RALYL: variants seen among roughly 807,000 people sequenced by gnomAD.
RALYL encodes the protein RALY RNA binding protein like.
A neutral mutation model predicts 35.1 loss-of-function variants in RALYL; 29 were observed. The observed-to-expected ratio is 0.83, with a 90% confidence interval of 0.61 to 1.13. The LOEUF (loss-of-function observed/expected upper bound fraction) is 1.13, where lower values mean the gene tolerates loss of function less well. Among genes scored for constraint, RALYL ranks in the 50% most tolerant of loss-of-function variants. The pLI is 0.00. For missense variants in RALYL, 359 were observed against 360.4 expected (o/e 1.00, Z 0.03); for synonymous variants, 120 against 127.6 (o/e 0.94, Z 0.40).
chr8:84,295,707 C>A (rs1015746160), intron 1 of RALYL, among the ~76,000 whole-genome samples: 1 of 152,074 alleles, frequency 6.6e-6, no homozygotes, highest in Non-Finnish European at 1.5e-5. Context: ...ATAACACTGT[C>A]CTGTATTGAA....
At chr8:84,893,020 A>G (rs912604368) in intron 8 of RALYL, among the ~76,000 whole-genome samples, 2 of 152,216 alleles carry the variant, frequency 1.3e-5, no homozygotes, top group Non-Finnish European at 2.9e-5. Context: ...GATATGAACT[A>G]ACTGAGGATA....
chr8:84,276,625 T>C (rs1835438186), intron 1 of RALYL, among the ~76,000 whole-genome samples: 1 of 152,192 alleles, frequency 6.6e-6, no homozygotes, highest in Non-Finnish European at 1.5e-5. Flanking sequence ...GTCATCCTAT[T>C]GACTCAGTCC....
At chr8:84,250,311 T>C (rs1829934921) in intron 1 of RALYL, among the ~76,000 whole-genome samples, 1 of 152,122 alleles carries the variant, frequency 6.6e-6, no homozygotes, top group Admixed American at 6.6e-5. Context: ...ACATATTTTG[T>C]TTAATTTATA....
chr8:84,628,941 C>A (rs1174710867), intron 2 of RALYL, among the ~76,000 whole-genome samples: 1 of 151,972 alleles, frequency 6.6e-6, no homozygotes, highest in Non-Finnish European at 1.5e-5. Context: ...AACAGATAAT[C>A]TAATAGGCAT....
intron 1 of RALYL, among the ~76,000 whole-genome samples, chr8:84,484,378 G>A (rs950258961): frequency 6.6e-6 from 1 of 152,034 alleles, no homozygotes; most frequent in Non-Finnish European, 1.5e-5. Flanking sequence ...GTATGACAGA[G>A]ATATATTTTA....
At chr8:84,576,942 C>T (rs549995274) in intron 2 of RALYL, among the ~76,000 whole-genome samples, 1 of 152,140 alleles carries the variant, frequency 6.6e-6, no homozygotes, top group Non-Finnish European at 1.5e-5. Flanking sequence ...TCCTGACCAA[C>T]CTTCATGTTA....
In RALYL at chr8:84,680,825, C is replaced by A. The variant is rs186712200; in HGVS notation, c.257-93754C>A. 4.7e-3 allele frequency among the ~76,000 whole-genome samples: 722 copies of A among 152,048 alleles called. 3 individuals carry two copies. The highest frequency in any genetic ancestry group is 9.2e-3 in the Non-Finnish European group (624 of 68,008). ...TGCTTGTTCACTCTGTTGGTAGTTT[C>A]TTTTGCTGTGCAGAAGCTCTTTAGT... On this transcript the variant is annotated intron_variant, in intron 2 of 8. Coordinates refer to ENST00000521268, the MANE Select transcript of RALYL (RefSeq NM_173848.7).
intron 2 of RALYL, among the ~76,000 whole-genome samples, chr8:84,737,774 A>G (rs1847582462): frequency 6.6e-6 from 1 of 151,932 alleles, no homozygotes; most frequent in South Asian, 2.1e-4. Flanking sequence ...TGCTTTTAAA[A>G]AAAGAGGCTC....
intron 1 of RALYL, among the ~76,000 whole-genome samples, chr8:84,228,275 A>G (rs1824465445): frequency 1.3e-5 from 2 of 152,204 alleles, no homozygotes; most frequent in Admixed American, 6.5e-5. Flanking sequence ...GAATAAGCCA[A>G]GTTAAATAAT....
intron 4 of RALYL, among the ~76,000 whole-genome samples, chr8:84,843,550 A>G (rs1384169973): frequency 6.6e-6 from 1 of 152,182 alleles, no homozygotes; most frequent in Non-Finnish European, 1.5e-5. Context: ...GCCCAAGGTA[A>G]TTTACAGATT....
intron 2 of RALYL, among the ~76,000 whole-genome samples, chr8:84,622,568 A>G (rs1464749206): frequency 6.6e-6 from 1 of 152,166 alleles, no homozygotes; most frequent in Non-Finnish European, 1.5e-5. Context: ...GTGTCCAGGG[A>G]TCAGGACAAC....
chr8:84,647,604 T>G (rs1032681659), intron 2 of RALYL, among the ~76,000 whole-genome samples: 1 of 152,084 alleles, frequency 6.6e-6, no homozygotes, highest in Admixed American at 6.6e-5. Flanking sequence ...AATCTTCTAG[T>G]GTGAGAGAAT....
chr8:84,220,132 G>A (rs928062973), intron 1 of RALYL, among the ~76,000 whole-genome samples: 16 of 152,058 alleles, frequency 1.1e-4, no homozygotes, highest in African/African-American at 3.6e-4. Context: ...ATAGCTAATT[G>A]TGTGTGGTAA....
At chr8:84,195,315 C>T (rs1361379631) in intron 1 of RALYL, among the ~76,000 whole-genome samples, 2 of 152,108 alleles carry the variant, frequency 1.3e-5, no homozygotes, top group African/African-American at 2.4e-5. Context: ...TGGCATGCGC[C>T]TGTAGTCCCA....
intron 8 of RALYL, among the ~76,000 whole-genome samples, chr8:84,890,141 A>T (rs1563817007): frequency 6.6e-6 from 1 of 152,164 alleles, no homozygotes; most frequent in African/African-American, 2.4e-5. Flanking sequence ...TTGTGATGAG[A>T]TTAGGTGAAG....
chr8:84,387,917 A>G (rs1203124857), intron 1 of RALYL, among the ~76,000 whole-genome samples: 1 of 151,750 alleles, frequency 6.6e-6, no homozygotes, highest in South Asian at 2.1e-4. Flanking sequence ...ATATGTATAC[A>G]TGTGCCATGC....
In RALYL at chr8:84,535,806, G is replaced by A. The variant is rs184925058; in HGVS notation, c.256+6229G>A. On this transcript the variant is annotated intron_variant, in intron 2 of 8. Transcript: ENST00000521268. ...GACTTCTACCTGCAAGATACCTATA[G>A]TACCCCTTCCAAATAGTGACAGCCA... 1.2e-3 allele frequency among the ~76,000 whole-genome samples: 175 copies of A among 151,832 alleles called. 1 individual carries two copies. The highest frequency in any genetic ancestry group is 1.2e-3 in the Non-Finnish European group (80 of 67,900).
At chr8:84,569,332 A>G (rs939367158) in intron 2 of RALYL, among the ~76,000 whole-genome samples, 5 of 151,774 alleles carry the variant, frequency 3.3e-5, no homozygotes, top group Non-Finnish European at 7.4e-5. Context: ...TGTTTTTCTC[A>G]GGTTTGTCAA....
chr8:84,771,445 T>C (rs142771923), intron 2 of RALYL, among the ~76,000 whole-genome samples: 96 of 152,256 alleles, frequency 6.3e-4, no homozygotes, highest in Admixed American at 5.4e-3. Flanking sequence ...AGTTTGAACA[T>C]TTTAAGTTTA....
Sources: allele counts gnomAD v4.1 joint callset (sites outside exome capture counted in the v4.1 genomes callset), GRCh38; gene constraint gnomAD v4.1.1; transcripts MANE v1.5; gene names NCBI Gene and HGNC (gene_info 2026-07-23, HGNC 2026-07-21).